TLR4: variants seen among roughly 807,000 people sequenced by gnomAD.
TLR4 encodes toll like receptor 4.
Under a neutral mutation model 27.4 loss-of-function variants are expected in TLR4, and 17 were observed. That is an observed-to-expected ratio of 0.62 (90% confidence interval 0.42 to 0.93). The LOEUF is 0.93. Ranked by LOEUF, TLR4 falls within the 40% of genes least tolerant of loss-of-function variation. The pLI, the probability that TLR4 is intolerant of heterozygous loss-of-function variation, is 0.00. For synonymous variants in TLR4, 363 were observed against 365.7 expected (o/e 0.99, Z 0.08); for missense variants, 926 against 962.3 (o/e 0.96, Z 0.50).
In TLR4 at chr9:117,714,311, A is replaced by G. The variant is rs747298969; in HGVS notation, c.2183A>G (p.His728Arg). ...IAANIIHEGFHKSRKVIVVVS... is the reference protein window; with the variant it reads ...IAANIIHEGFRKSRKVIVVVS... ...GCCAACATCATCCATGAAGGTTTCC[A>G]TAAAAGCCGAAAGGTGATTGTTGTG... Residue 728 changes from histidine (H) to arginine (R), a missense_variant, in exon 3 of 3, where the codon CAT (histidine) becomes CGT (arginine). Coordinates refer to ENST00000355622, the MANE Select transcript of TLR4 (RefSeq NM_138554.5). 6.3e-6 allele frequency: 10 copies of G among 1,593,978 alleles called. No homozygotes were observed. The Admixed American group carries it at 1.2e-4, about 19-fold the overall frequency.
chr9:117,711,609 G>A (rs923954588), intron 2 of TLR4, among the ~76,000 whole-genome samples: 7 of 152,054 alleles, frequency 4.6e-5, no homozygotes, highest in African/African-American at 1.7e-4. Flanking sequence ...TCCTCCTTGT[G>A]TCATTTTTTT....
intron 1 of TLR4, among the ~76,000 whole-genome samples, chr9:117,707,496 T>A (rs1014846292): frequency 6.6e-6 from 1 of 152,224 alleles, no homozygotes; most frequent in African/African-American, 2.4e-5. Context: ...TCTCATTTAA[T>A]CCTTCAAACA....
At chr9:117,708,899 C>A in intron 2 of TLR4, 170 bp downstream of exon 2, 1 of 783,616 alleles carries the variant, frequency 1.3e-6, no homozygotes, top group Non-Finnish European at 2.0e-6. Flanking sequence ...CTCTATTCTC[C>A]AGGTCTCAGT....
In TLR4 at chr9:117,714,055, G is replaced by A; in HGVS notation, c.1927G>A (p.Val643Ile). 1 of 1,613,970 alleles carries A rather than the reference G, an allele frequency of 6.2e-7. No homozygotes were observed. The highest frequency in any genetic ancestry group is 8.5e-7 in the Non-Finnish European group (1 of 1,179,984). The change falls in exon 3 of 3, where the codon GTA (valine) becomes ATA (isoleucine). Residue 643 changes from valine (V) to isoleucine (I), a missense_variant. Transcript: ENST00000355622. ...IIGVSVLSVL[V>I]VSVVAVLVYK... The stretch of plus-strand genomic sequence containing the variant: ...TGGTGTGTCGGTCCTCAGTGTGCTT[G>A]TAGTATCTGTTGTAGCAGTTCTGGT...
At chr9:117,705,071 G>A (rs990887996) in intron 1 of TLR4, among the ~76,000 whole-genome samples, 6 of 151,918 alleles carry the variant, frequency 3.9e-5, no homozygotes, top group Non-Finnish European at 8.8e-5. Flanking sequence ...TCTGTATGCA[G>A]TAATATAGTT....
In TLR4 at chr9:117,717,464, T is replaced by G. The variant is rs1474326880; in HGVS notation, c.*2816T>G. ...TATTGTAATAAAAGTTATGTGAATG[T>G]GATCTCTTTCTTTCTCTCTCTCAAA... On this transcript the variant is annotated 3_prime_UTR_variant, in exon 3 of 3. Coordinates refer to ENST00000355622, the MANE Select transcript of TLR4 (RefSeq NM_138554.5). 1.3e-5 allele frequency: 2 copies of G among 151,974 alleles called. No individual in the cohort carries two copies. Among genetic ancestry groups the G allele is most frequent in the African/African-American group, 4.8e-5 (2 of 41,406 alleles). 9.4% of individuals were successfully genotyped at this position (151,974 alleles called of 1,614,324 possible). A position where few individuals can be genotyped will look rare whatever the true frequency, so the allele number is the denominator to read the frequency against.
rs781514923 is a variant in TLR4, at chr9:117,720,462, C to A, written c.*5814C>A. The A allele has an allele frequency of 6.6e-6, 1 of 152,174 alleles. No individual in the cohort carries two copies. The highest frequency in any genetic ancestry group is 2.4e-5 in the African/African-American group (1 of 41,502). 9.4% of individuals were successfully genotyped at this position (152,174 alleles called of 1,614,324 possible). A position where few individuals can be genotyped will look rare whatever the true frequency, so the allele number is the denominator to read the frequency against. ...TAAGTGACAATTCTGAGTGTAAATG[C>A]GCTTTTTGGCACAAATTGTCCTGTC... is the stretch of plus-strand genomic sequence containing the variant. On this transcript the variant is annotated 3_prime_UTR_variant, in exon 3 of 3. Transcript: ENST00000355622.
chr9:117,705,662 CT>C (rs1248397712), intron 1 of TLR4, among the ~76,000 whole-genome samples: 1 of 152,192 alleles, frequency 6.6e-6, no homozygotes, highest in African/African-American at 2.4e-5. Flanking sequence ...CTCATTTCCC[CT>C]GGCATTGACT....
rs199780461 is a variant in TLR4 at position 117,714,816 on chromosome 9, A to C, written c.*168A>C. The C allele has an allele frequency of 3.2e-5, 22 of 678,882 alleles. No individual in the cohort carries two copies. Among genetic ancestry groups the C allele is most frequent in the Admixed American group, 2.7e-4 (12 of 44,112 alleles). 42.1% of individuals were successfully genotyped at this position (678,882 alleles called of 1,614,324 possible). A position where few individuals can be genotyped will look rare whatever the true frequency, so the allele number is the denominator to read the frequency against. On this transcript the variant is annotated 3_prime_UTR_variant, in exon 3 of 3. Transcript: ENST00000355622. Reference sequence around the variant, plus strand: ...GCTAATCTCAAGGAGCTTCCAGTGCAGAGGGAATAAATGCTAGACTAAAAT... The same window carrying C: ...GCTAATCTCAAGGAGCTTCCAGTGCCGAGGGAATAAATGCTAGACTAAAAT...
rs1829338691 is a variant in TLR4, at chr9:117,715,935, T to A, written c.*1287T>A. 1 of 152,098 alleles carries A rather than the reference T, an allele frequency of 6.6e-6. No individual in the cohort carries two copies. Among genetic ancestry groups the A allele is most frequent in the South Asian group, 2.1e-4 (1 of 4,824 alleles). The allele number at this position is 152,098 out of a possible 1,614,324, so 9.4% of individuals were successfully genotyped here. A position where few individuals can be genotyped will look rare whatever the true frequency, so the allele number is the denominator to read the frequency against. ...GAAGGTTCCCAGAAAAGAATGTTCATCCAGCCTCCTCAGAAACAGAACATT... is the reference window on the plus strand; with the variant it reads ...GAAGGTTCCCAGAAAAGAATGTTCAACCAGCCTCCTCAGAAACAGAACATT... On this transcript the variant is annotated 3_prime_UTR_variant, in exon 3 of 3. Coordinates refer to ENST00000355622, the MANE Select transcript of TLR4 (RefSeq NM_138554.5).
chr9:117,709,106 A>G (rs1829186960), intron 2 of TLR4: 1 of 220,712 alleles, frequency 4.5e-6, no homozygotes, highest in Non-Finnish European at 9.1e-6. Context: ...CCCTGTTGTT[A>G]AGGAGGCATA....
chr9:117,710,724 A>G (rs1432774916), intron 2 of TLR4, among the ~76,000 whole-genome samples: 1 of 152,090 alleles, frequency 6.6e-6, no homozygotes, highest in Admixed American at 6.6e-5. Flanking sequence ...TAGACCAGGC[A>G]GCCTTCTTTC....
At position 117,719,182 on chromosome 9, in the gene TLR4, T is replaced by C. The variant is rs1207003347; in HGVS notation, c.*4534T>C. 2 of 152,238 alleles carry C rather than the reference T, an allele frequency of 1.3e-5. No homozygotes were observed. The highest frequency in any genetic ancestry group is 2.4e-5 in the African/African-American group (1 of 41,458). 9.4% of individuals were successfully genotyped at this position (152,238 alleles called of 1,614,324 possible). A position where few individuals can be genotyped will look rare whatever the true frequency, so the allele number is the denominator to read the frequency against. ...CACTTGGTTAAAATGATAATGTTGA[T>C]AGTTACAATAGTTACATTTAATTGA... On this transcript the variant is annotated 3_prime_UTR_variant, in exon 3 of 3. Transcript: ENST00000355622.
chr9:117,709,601 A>G (rs1829196611), intron 2 of TLR4, among the ~76,000 whole-genome samples: 1 of 152,170 alleles, frequency 6.6e-6, no homozygotes, highest in African/African-American at 2.4e-5. Context: ...AAATCGAACT[A>G]GATAATGGAT....
chr9:117,704,461 G>T lies in TLR4; in HGVS notation c.-12G>T. The T allele has an allele frequency of 6.2e-7, 1 of 1,611,582 alleles. No homozygotes were observed. The highest frequency in any genetic ancestry group is 8.5e-7 in the Non-Finnish European group (1 of 1,179,624). ...CACTGCTGCTCACAGAAGCAGTGAGGATGATGCCAGGATGATGTCTGCCTC... is the reference window on the plus strand; with the variant it reads ...CACTGCTGCTCACAGAAGCAGTGAGTATGATGCCAGGATGATGTCTGCCTC... On this transcript the variant is annotated 5_prime_UTR_variant, in exon 1 of 3. Transcript: ENST00000355622.
At chr9:117,708,858 C>G in intron 2 of TLR4, 129 bp downstream of exon 2, 2 of 1,214,396 alleles carry the variant, frequency 1.6e-6, no homozygotes, top group Non-Finnish European at 2.4e-6. Flanking sequence ...CAACAGATGT[C>G]TTATTAACTA....
At chr9:117,704,648 TTGC>T in intron 1 of TLR4, 83 bp downstream of exon 1, 5 of 1,162,390 alleles carry the variant, frequency 4.3e-6, no homozygotes, top group Admixed American at 5.2e-5. Flanking sequence ...TTGTTTATTT[TTGC>T]AAAAAAAAAA....
In TLR4 at chr9:117,713,548, G is replaced by T. The variant is rs5030718; in HGVS notation, c.1420G>T (p.Glu474Ter). Residue 474 changes from glutamate (E) to a stop codon, truncating the protein, a stop_gained, in exon 3 of 3, where the codon GAA becomes TAA. Transcript: ENST00000355622. LOFTEE classifies it low-confidence loss of function (END_TRUNC). The part of the protein sequence containing the change: ...NGIFNGLSSL[E>*]VLKMAGNSFQ... ...CATCTTCAATGGCTTGTCCAGTCTC[G>T]AAGTCTTGAAAATGGCTGGCAATTC... The T allele has an allele frequency of 1.2e-6, 2 of 1,613,926 alleles. No homozygotes were observed. The highest frequency in any genetic ancestry group is 4.5e-5 in the East Asian group (2 of 44,864).
chr9:117,708,212 CCA>C lies in TLR4; in HGVS notation c.94-346_94-345del, dbSNP rs1227453113. On this transcript the variant is annotated intron_variant, in intron 1 of 2. Transcript: ENST00000355622. ...TTGTTTTTAAAGACTTGGCCCTAAA[CCA>C]CACAGAAGAGCTGGCATGAAACCCA... 2.8e-6 allele frequency: 3 copies of C among 1,063,460 alleles called. No individual in the cohort carries two copies. The African/African-American group carries it at 5.0e-5, about 18-fold the overall frequency. The allele number at this position is 1,063,460 out of a possible 1,614,324, so 65.9% of individuals were successfully genotyped here. A position where few individuals can be genotyped will look rare whatever the true frequency, so the allele number is the denominator to read the frequency against.
Sources: gnomAD v4.1 joint callset for allele counts (sites outside exome capture counted in the v4.1 genomes callset) on GRCh38, gnomAD v4.1.1 for gene constraint, MANE v1.5 for transcripts, NCBI Gene and HGNC (gene_info 2026-07-23, HGNC 2026-07-21) for gene names.